Variants in ANK1 observed in about 807,000 individuals in gnomAD.
The protein encoded by ANK1 is ankyrin 1.
Under a neutral mutation model 210.4 loss-of-function variants are expected in ANK1, and 51 were observed. The observed-to-expected ratio is 0.24, with a 90% CI of 0.19 to 0.31. The LOEUF is 0.31. ANK1 is among the 10% of genes least tolerant of loss of function. The pLI is 1.00. For missense variants in ANK1, 2,051 were observed against 2,504.4 expected (o/e 0.82, Z 3.86); for synonymous variants, 967 against 1,025.9 (o/e 0.94, Z 1.10).
At chr8:41,724,336 A>G in intron 7 of ANK1, 120 bp downstream of exon 7, 1 of 854,100 alleles carries the variant, frequency 1.2e-6, no homozygotes, top group Non-Finnish European at 1.9e-6. Context: ...CCGACCAGAC[A>G]GCAGGGCTGT....
intron 37 of ANK1, among the ~76,000 whole-genome samples, chr8:41,677,654 A>G (rs955279308): frequency 2.0e-5 from 3 of 151,110 alleles, no homozygotes; most frequent in Non-Finnish European, 4.4e-5. Flanking sequence ...CAATGGTGCA[A>G]TCTTGGTTCA....
intron 35 of ANK1, among the ~76,000 whole-genome samples, chr8:41,687,744 G>C (rs1426894762): frequency 6.6e-6 from 1 of 152,214 alleles, no homozygotes; most frequent in Non-Finnish European, 1.5e-5. Context: ...AGGGTCTGTG[G>C]TTGGGCACAG....
At position 41,704,896 on chromosome 8, in the gene ANK1, C is replaced by T. The variant is rs1395634976; in HGVS notation, c.2098-424G>A. Reference sequence around the variant, plus strand: ...GCTATTTCAAGAAGGAAGAAACAGCCTTCAGGCCTGGGAAGGGTGCTGAGA... The same window carrying T: ...GCTATTTCAAGAAGGAAGAAACAGCTTTCAGGCCTGGGAAGGGTGCTGAGA... On this transcript the variant is annotated intron_variant, in intron 18 of 42. Transcript: ENST00000289734. This position sits in a 1 kb window ranked among gnomAD's most constrained non-coding sequence, Gnocchi z 4.1. Among the ~76,000 whole-genome samples, 1 of 152,242 alleles carries T rather than the reference C, an allele frequency of 6.6e-6. No individual in the cohort carries two copies. Among genetic ancestry groups the T allele is most frequent in the South Asian group, 2.1e-4 (1 of 4,826 alleles).
intron 39 of ANK1, among the ~76,000 whole-genome samples, chr8:41,668,012 T>C (rs1315805512): frequency 6.6e-6 from 1 of 152,242 alleles, no homozygotes; most frequent in Non-Finnish European, 1.5e-5. Context: ...CTTCTGAAAC[T>C]GTGATCTTGA....
chr8:41,778,000 C>T (rs1377454583), intron 1 of ANK1, among the ~76,000 whole-genome samples: 1 of 152,208 alleles, frequency 6.6e-6, no homozygotes, highest in African/African-American at 2.4e-5. Flanking sequence ...CCCGCCTCTA[C>T]TGCCTCAAGT....
chr8:41,830,280 A>C (rs1189784331), intron 1 of ANK1, among the ~76,000 whole-genome samples: 2 of 150,316 alleles, frequency 1.3e-5, no homozygotes, highest in Non-Finnish European at 3.0e-5. Context: ...TTCAAAATAC[A>C]CACATTTCTA....
chr8:41,771,814 C>T (rs554905764), intron 1 of ANK1, among the ~76,000 whole-genome samples: 6 of 152,300 alleles, frequency 3.9e-5, no homozygotes, highest in Non-Finnish European at 7.4e-5. Context: ...ACCCCCAGCT[C>T]GCTCCTGGCT....
At chr8:41,722,110 G>A (rs1829428488) in intron 9 of ANK1, among the ~76,000 whole-genome samples, 1 of 152,164 alleles carries the variant, frequency 6.6e-6, no homozygotes, top group Non-Finnish European at 1.5e-5. Context: ...ATAATCCTAG[G>A]AGAGAGGGTG....
At chr8:41,665,037 C>T (rs377753167) in intron 39 of ANK1, 30 of 1,612,034 alleles carry the variant, frequency 1.9e-5, no homozygotes, top group South Asian at 2.2e-5. Context: ...CGCCTCCTCA[C>T]CAGCCCGGTC....
intron 1 of ANK1, among the ~76,000 whole-genome samples, chr8:41,884,960 G>A (rs533722456): frequency 6.6e-6 from 1 of 152,130 alleles, no homozygotes; most frequent in Non-Finnish European, 1.5e-5. Flanking sequence ...CTTGGGGAGG[G>A]GTGAGGCACA....
intron 1 of ANK1, among the ~76,000 whole-genome samples, chr8:41,836,462 C>A (rs551932927): frequency 6.6e-6 from 1 of 152,344 alleles, no homozygotes; most frequent in African/African-American, 2.4e-5. Flanking sequence ...TGAGCACAGC[C>A]GTGCTGGGCC....
At chr8:41,746,206 G>A (rs959238218) in intron 2 of ANK1, among the ~76,000 whole-genome samples, 7 of 152,200 alleles carry the variant, frequency 4.6e-5, no homozygotes, top group African/African-American at 1.2e-4. Context: ...AACCCGGATA[G>A]TTTATGGCTC....
At chr8:41,848,042 G>A (rs750038231) in intron 1 of ANK1, among the ~76,000 whole-genome samples, 13 of 151,962 alleles carry the variant, frequency 8.6e-5, no homozygotes, top group East Asian at 1.9e-4. Flanking sequence ...AAACTTAGCC[G>A]GGTGTGATGG....
At chr8:41,657,380 A>G (rs75850726) in intron 42 of ANK1, among the ~76,000 whole-genome samples, 1,754 of 152,300 alleles carry the variant, frequency 0.012, 30 homozygotes, top group African/African-American at 0.04. Context: ...CCTACCCATT[A>G]GAGAGGTGTG....
At chr8:41,884,840 T>G (rs926287777) in intron 1 of ANK1, among the ~76,000 whole-genome samples, 1 of 151,622 alleles carries the variant, frequency 6.6e-6, no homozygotes. Context: ...TCAAAATAAA[T>G]AAACAAACAA....
intron 1 of ANK1, among the ~76,000 whole-genome samples, chr8:41,810,596 G>A (rs1386555942): frequency 6.6e-6 from 1 of 152,246 alleles, no homozygotes; most frequent in Non-Finnish European, 1.5e-5. Context: ...CCACACAGGA[G>A]CAGAGCATCT....
chr8:41,843,370 A>C, intron 1 of ANK1, among the ~76,000 whole-genome samples: 1 of 151,796 alleles, frequency 6.6e-6, no homozygotes, highest in African/African-American at 2.4e-5. Context: ...GTGCACTTGT[A>C]CCCTTTCACC....
At chr8:41,762,126 C>T (rs2150719638) in intron 1 of ANK1, among the ~76,000 whole-genome samples, 1 of 152,350 alleles carries the variant, frequency 6.6e-6, no homozygotes, top group Middle Eastern at 3.4e-3. Context: ...CTCGCTGTCC[C>T]CACAGCGGCA....
At chr8:41,764,861 A>G (rs1163731048) in intron 1 of ANK1, among the ~76,000 whole-genome samples, 1 of 152,218 alleles carries the variant, frequency 6.6e-6, no homozygotes, top group Non-Finnish European at 1.5e-5. Flanking sequence ...CACCACATAA[A>G]TTAATTCACT....
Sources: gnomAD v4.1 joint callset for allele counts (sites outside exome capture counted in the v4.1 genomes callset) on GRCh38, gnomAD v4.1.1 for gene constraint, Gnocchi (gnomAD v3.1) non-coding constraint, MANE v1.5 for transcripts, NCBI Gene and HGNC (gene_info 2026-07-23, HGNC 2026-07-21) for gene names.